The following NMNAT3 variants were observed in gnomAD, a reference collection of about 807,000 sequenced individuals.
The protein encoded by NMNAT3 is nicotinamide nucleotide adenylyltransferase 3, also known as nicotinamide/nicotinic acid mononucleotide adenylyltransferase 3.
A neutral mutation model predicts 24.8 loss-of-function variants in NMNAT3; 21 were observed. The observed-to-expected ratio is 0.85, with a 90% CI of 0.60 to 1.22. The LOEUF is 1.22. NMNAT3 is among the 50% of genes most tolerant of loss of function. The probability of loss-of-function intolerance (pLI) is 0.00; values close to 1 mark genes in which losing one functional copy is unlikely to be tolerated. For synonymous variants in NMNAT3, 136 were observed against 155.2 expected (o/e 0.88, Z 0.92); for missense variants, 387 against 436.6 (o/e 0.89, Z 1.01).
At chr3:139,674,336 C>T (rs1446024324) in intron 1 of NMNAT3, among the ~76,000 whole-genome samples, 3 of 152,218 alleles carry the variant, frequency 2.0e-5, no homozygotes, top group Non-Finnish European at 4.4e-5. Context: ...CATGAGTCCA[C>T]TGTGGTTTGT....
intron 2 of NMNAT3, among the ~76,000 whole-genome samples, chr3:139,630,296 T>G (rs528968956): frequency 6.6e-6 from 1 of 152,306 alleles, no homozygotes; most frequent in African/African-American, 2.4e-5. Context: ...CTTGACAGCC[T>G]CTCCAGTGAG....
chr3:139,618,962 C>T (rs1576661729), intron 3 of NMNAT3, among the ~76,000 whole-genome samples: 2 of 152,306 alleles, frequency 1.3e-5, no homozygotes, highest in Admixed American at 1.3e-4. Context: ...CTCCCGTGCA[C>T]TGGAACGTGA....
At position 139,560,748 on chromosome 3, in the gene NMNAT3, TGA is replaced by T. The variant is rs975599772; in HGVS notation, c.*260_*261del. 1.6e-5 allele frequency: 7 copies of T among 444,944 alleles called. No homozygotes were observed. Among genetic ancestry groups the T allele is most frequent in the African/African-American group, 1.2e-4 (6 of 51,198 alleles). 27.6% of individuals were successfully genotyped at this position (444,944 alleles called of 1,614,324 possible). A position where few individuals can be genotyped will look rare whatever the true frequency, so the allele number is the denominator to read the frequency against. Reference sequence around the variant, plus strand: ...AGTAGACCTCCTTGTCCAGCAGCTCTGAGAGATTCTGCCTAATCCTAATGACC... The same window carrying T: ...AGTAGACCTCCTTGTCCAGCAGCTCTGAGATTCTGCCTAATCCTAATGACC... On this transcript the variant is annotated 3_prime_UTR_variant, in exon 7 of 7. Coordinates refer to ENST00000643695, the MANE Select transcript of NMNAT3 (RefSeq NM_001320510.2).
intron 3 of NMNAT3, among the ~76,000 whole-genome samples, chr3:139,591,360 A>G (rs564139639): frequency 6.6e-6 from 1 of 152,134 alleles, no homozygotes; most frequent in East Asian, 1.9e-4. Context: ...GCAGTCTGAG[A>G]TCAAACTGCA....
intron 1 of NMNAT3, among the ~76,000 whole-genome samples, chr3:139,654,477 ATT>A (rs1267259558): frequency 2.0e-5 from 3 of 152,262 alleles, no homozygotes; most frequent in African/African-American, 7.2e-5. Context: ...TGCCGAAAGC[ATT>A]TGTGTGCCCT....
At chr3:139,600,844 T>A (rs2054681671) in intron 3 of NMNAT3, among the ~76,000 whole-genome samples, 2 of 152,202 alleles carry the variant, frequency 1.3e-5, no homozygotes, top group African/African-American at 4.8e-5. Flanking sequence ...TGCCTGCTTT[T>A]GGAGCATTAG....
intron 1 of NMNAT3, among the ~76,000 whole-genome samples, chr3:139,651,966 A>C (rs1559955403): frequency 6.6e-6 from 1 of 152,196 alleles, no homozygotes; most frequent in Non-Finnish European, 1.5e-5. Flanking sequence ...CTCACTGAGC[A>C]GCATATCTGG....
At chr3:139,630,866 G>A (rs901719834) in intron 2 of NMNAT3, among the ~76,000 whole-genome samples, 2 of 152,074 alleles carry the variant, frequency 1.3e-5, no homozygotes, top group Non-Finnish European at 2.9e-5. Context: ...CGTGATGACT[G>A]TATCTGAAAA....
chr3:139,668,932 C>A (rs1576795902), intron 1 of NMNAT3, among the ~76,000 whole-genome samples: 1 of 152,304 alleles, frequency 6.6e-6, no homozygotes, highest in African/African-American at 2.4e-5. Flanking sequence ...ACACTAAGAT[C>A]TTGAATTCTT....
chr3:139,623,531 C>T lies in NMNAT3; in HGVS notation c.109+4085G>A, dbSNP rs185784702. ...AAATCAGTAACTTAGTCATTTATTA[C>T]CATTATCAATTATTATGTACTGTAT... On this transcript the variant is annotated intron_variant, in intron 3 of 6. Transcript: ENST00000643695. Among the ~76,000 whole-genome samples the T allele has an allele frequency of 1.3e-3, 199 of 152,074 alleles. 2 individuals carry two copies. Among genetic ancestry groups the T allele is most frequent in the Admixed American group, 4.2e-3 (64 of 15,266 alleles).
intron 6 of NMNAT3, chr3:139,567,702 T>C (rs1227490606): frequency 6.6e-6 from 1 of 152,222 alleles, no homozygotes; most frequent in African/African-American, 2.4e-5. Flanking sequence ...CACTTGATCA[T>C]GGTGGATATG....
intron 1 of NMNAT3, among the ~76,000 whole-genome samples, chr3:139,642,636 C>G (rs1191702865): frequency 6.6e-6 from 1 of 152,210 alleles, no homozygotes; most frequent in African/African-American, 2.4e-5. Context: ...TAACAGACCC[C>G]TCTGGACTGC....
intron 3 of NMNAT3, among the ~76,000 whole-genome samples, chr3:139,591,161 C>T (rs1467366987): frequency 2.0e-5 from 3 of 151,126 alleles, no homozygotes; most frequent in Admixed American, 6.6e-5. Flanking sequence ...ACCTGGGAAG[C>T]GCAAGGGGTC....
intron 3 of NMNAT3, among the ~76,000 whole-genome samples, chr3:139,608,641 C>A (rs2108245414): frequency 6.6e-6 from 1 of 152,204 alleles, no homozygotes; most frequent in South Asian, 2.1e-4. Context: ...CCTAGTTACC[C>A]CCAATGGTAA....
At chr3:139,638,740 C>T (rs2056595784) in intron 1 of NMNAT3, among the ~76,000 whole-genome samples, 1 of 152,200 alleles carries the variant, frequency 6.6e-6, no homozygotes, top group Admixed American at 6.5e-5. Context: ...TCTGATCCAT[C>T]CTCTGCGTAG....
At chr3:139,585,544 A>T (rs2053904043) in intron 3 of NMNAT3, among the ~76,000 whole-genome samples, 1 of 152,178 alleles carries the variant, frequency 6.6e-6, no homozygotes, top group African/African-American at 2.4e-5. Context: ...TTTTCTGGTG[A>T]ATGCTCCTGA....
chr3:139,564,223 G>T lies in NMNAT3; in HGVS notation c.659-2831C>A, dbSNP rs575390518. On this transcript the variant is annotated intron_variant, in intron 6 of 6. Coordinates refer to ENST00000643695, the MANE Select transcript of NMNAT3 (RefSeq NM_001320510.2). ...GAATGCAATGTAAATTTCCTGTCTGGCGCAGCATGTGAACACTGCCACCAA... is the reference window on the plus strand; with the variant it reads ...GAATGCAATGTAAATTTCCTGTCTGTCGCAGCATGTGAACACTGCCACCAA... Among the ~76,000 whole-genome samples the T allele has an allele frequency of 2.0e-5, 3 of 152,260 alleles. No individual in the cohort carries two copies. The East Asian group carries it at 5.8e-4, about 29-fold the overall frequency.
intron 1 of NMNAT3, among the ~76,000 whole-genome samples, chr3:139,638,606 C>G (rs1188218346): frequency 1.3e-5 from 2 of 152,218 alleles, no homozygotes; most frequent in African/African-American, 4.8e-5. Context: ...GTCAGTCCCA[C>G]CTCTGTAATA....
intron 1 of NMNAT3, among the ~76,000 whole-genome samples, chr3:139,646,768 A>G (rs2056885363): frequency 6.6e-6 from 1 of 152,246 alleles, no homozygotes; most frequent in African/African-American, 2.4e-5. Context: ...GGTATTAGAC[A>G]TTAGCATTCA....
Sources: gnomAD v4.1 joint callset for allele counts (sites outside exome capture counted in the v4.1 genomes callset) on GRCh38, gnomAD v4.1.1 for gene constraint, MANE v1.5 for transcripts, NCBI Gene and HGNC (gene_info 2026-07-23, HGNC 2026-07-21) for gene names.